Variants in CHN1 observed in about 807,000 individuals in gnomAD.
CHN1 encodes the protein chimerin 1.
A neutral mutation model predicts 59.5 loss-of-function variants in CHN1; 37 were observed. The observed-to-expected ratio is 0.62, with a 90% CI of 0.48 to 0.82. The LOEUF is 0.82. Ranked by LOEUF, CHN1 falls within the 40% of genes least tolerant of loss-of-function variation. The probability of loss-of-function intolerance (pLI) is 0.00; values close to 1 mark genes in which losing one functional copy is unlikely to be tolerated. For synonymous variants in CHN1, 206 were observed against 200.4 expected (o/e 1.03, Z -0.24); for missense variants, 469 against 571.0 (o/e 0.82, Z 1.82).
rs1325592402 is a variant in CHN1 at position 174,991,596 on chromosome 2, ACCTGCC to A, written c.19+13292_19+13297del. On this transcript the variant is annotated intron_variant, in intron 1 of 12. Transcript: ENST00000409900. ...GAACCAATTCCAGAGTAAGTGATAT[ACCTGCC>A]CTTGACATGAAACAATACTGCAGGA... Among the ~76,000 whole-genome samples the A allele has an allele frequency of 1.2e-4, 18 of 152,358 alleles. No individual in the cohort carries two copies. In the South Asian group the frequency reaches 2.5e-3, roughly 21 times the overall value.
chr2:174,906,007 C>T (rs1688532837), intron 5 of CHN1, among the ~76,000 whole-genome samples: 1 of 152,142 alleles, frequency 6.6e-6, no homozygotes, highest in African/African-American at 2.4e-5. Context: ...AAACTTCATA[C>T]ACTGCTGGTG....
At chr2:174,998,302 CAAAAAAA>C (rs34770658) in intron 1 of CHN1, among the ~76,000 whole-genome samples, 1 of 48,804 alleles carries the variant, frequency 2.0e-5, no homozygotes, top group East Asian at 6.6e-4. Flanking sequence ...GACTCTGTCT[CAAAAAAA>C]AAAAAAAAAA....
At chr2:174,816,416 T>C (rs1214383003) in intron 8 of CHN1, among the ~76,000 whole-genome samples, 1 of 152,208 alleles carries the variant, frequency 6.6e-6, no homozygotes, top group Non-Finnish European at 1.5e-5. Context: ...TGAGAAGGTG[T>C]AGCAGAAGGG....
At chr2:174,887,730 C>G (rs188355318) in intron 5 of CHN1, among the ~76,000 whole-genome samples, 1 of 152,266 alleles carries the variant, frequency 6.6e-6, no homozygotes, top group East Asian at 1.9e-4. Context: ...ACAAAGAAAT[C>G]ATGAATATCT....
chr2:174,969,197 T>C (rs949986428), intron 1 of CHN1, among the ~76,000 whole-genome samples: 1 of 152,222 alleles, frequency 6.6e-6, no homozygotes, highest in South Asian at 2.1e-4. Flanking sequence ...TAAATCAGAA[T>C]ATGCCACTCT....
At chr2:174,977,044 GT>G (rs1334561818) in intron 1 of CHN1, among the ~76,000 whole-genome samples, 3 of 152,140 alleles carry the variant, frequency 2.0e-5, no homozygotes, top group African/African-American at 7.2e-5. Flanking sequence ...TAGACACATT[GT>G]TCACTGTCAA....
At position 174,940,498 on chromosome 2, in the gene CHN1, T is replaced by C. The variant is rs529409945; in HGVS notation, c.114+4390A>G. ...TCCTTGAATCTGATGGCCATGTCTC[T>C]TTAGTCTCCTTTAATTTTATATCAT... On this transcript the variant is annotated intron_variant, in intron 3 of 12. Coordinates refer to ENST00000409900, the MANE Select transcript of CHN1 (RefSeq NM_001822.7). Among the ~76,000 whole-genome samples the C allele has an allele frequency of 1.7e-3, 254 of 152,130 alleles. 1 individual carries two copies. Among genetic ancestry groups the C allele is most frequent in the Admixed American group, 3.4e-3 (52 of 15,296 alleles).
intron 5 of CHN1, among the ~76,000 whole-genome samples, chr2:174,878,535 T>G (rs574823905): frequency 6.6e-6 from 1 of 152,334 alleles, no homozygotes; most frequent in South Asian, 2.1e-4. Context: ...AATAAGAATA[T>G]TCAATGTACT....
At chr2:174,913,167 A>G (rs1419577685) in intron 5 of CHN1, among the ~76,000 whole-genome samples, 1 of 152,226 alleles carries the variant, frequency 6.6e-6, no homozygotes, top group Non-Finnish European at 1.5e-5. Flanking sequence ...TAATGTGGTG[A>G]AAGTACTTGA....
chr2:174,827,964 AAGGCTCTGGAGAAGTC>A (rs1685746615), intron 7 of CHN1, among the ~76,000 whole-genome samples: 1 of 152,204 alleles, frequency 6.6e-6, no homozygotes, highest in African/African-American at 2.4e-5. Context: ...CTGATGGAGC[AAGGCTCTGGAGAAGTC>A]AAATGTTGGA....
intron 3 of CHN1, among the ~76,000 whole-genome samples, chr2:174,930,408 C>A (rs1178912108): frequency 6.6e-6 from 1 of 152,164 alleles, no homozygotes; most frequent in Non-Finnish European, 1.5e-5. Context: ...AGGAAGAGAT[C>A]AAAGCACTTT....
chr2:174,905,719 G>A (rs1054717889), intron 5 of CHN1, among the ~76,000 whole-genome samples: 17 of 151,874 alleles, frequency 1.1e-4, no homozygotes, highest in African/African-American at 3.4e-4. Flanking sequence ...TACCATGCCC[G>A]GCTAATTTTT....
At chr2:174,938,391 A>C (rs1282734624) in intron 3 of CHN1, among the ~76,000 whole-genome samples, 1 of 152,150 alleles carries the variant, frequency 6.6e-6, no homozygotes, top group East Asian at 1.9e-4. Context: ...ACAGATATTT[A>C]ACTTAATAGA....
intron 6 of CHN1, among the ~76,000 whole-genome samples, chr2:174,877,608 T>C (rs1487519807): frequency 3.3e-5 from 5 of 152,164 alleles, no homozygotes; most frequent in Non-Finnish European, 5.9e-5. Flanking sequence ...AGTTTTAAAA[T>C]TGTGAAACTG....
intron 5 of CHN1, among the ~76,000 whole-genome samples, chr2:174,879,693 A>G (rs1402589345): frequency 2.6e-5 from 4 of 152,202 alleles, no homozygotes; most frequent in Admixed American, 6.5e-5. Context: ...AGCTTTTATA[A>G]GACTCCTACA....
chr2:174,908,995 T>C (rs997333840), intron 5 of CHN1, among the ~76,000 whole-genome samples: 3 of 152,356 alleles, frequency 2.0e-5, no homozygotes, highest in African/African-American at 4.8e-5. Flanking sequence ...TACAATATTA[T>C]AGGCAAAAGA....
intron 7 of CHN1, among the ~76,000 whole-genome samples, chr2:174,843,063 C>T (rs546665720): frequency 3.3e-5 from 5 of 152,208 alleles, no homozygotes; most frequent in African/African-American, 1.2e-4. Context: ...AGTAGCCTAG[C>T]TTCTGTCGTT....
intron 7 of CHN1, among the ~76,000 whole-genome samples, chr2:174,828,165 A>G (rs992416918): frequency 6.6e-6 from 1 of 152,202 alleles, no homozygotes; most frequent in African/African-American, 2.4e-5. Context: ...GTCTCTGAGC[A>G]TCAGGAAGGA....
intron 3 of CHN1, among the ~76,000 whole-genome samples, chr2:174,939,720 C>T (rs549784640): frequency 5.8e-4 from 88 of 152,164 alleles, no homozygotes; most frequent in Non-Finnish European, 7.6e-4. Context: ...TTTTAAAATT[C>T]CCATTACATG....
Sources: gnomAD v4.1 joint callset for allele counts (sites outside exome capture counted in the v4.1 genomes callset) on GRCh38, gnomAD v4.1.1 for gene constraint, MANE v1.5 for transcripts, NCBI Gene and HGNC (gene_info 2026-07-23, HGNC 2026-07-21) for gene names.